Variants in NAGPA observed in about 807,000 individuals in gnomAD.
NAGPA encodes N-acetylglucosamine-1-phosphodiester alpha-N-acetylglucosaminidase.
NAGPA carries 56 observed loss-of-function variants against 48.5 expected under a neutral mutation model. The ratio of observed to expected loss-of-function variants is 1.15; its 90% CI spans 0.93 to 1.44. The LOEUF is 1.44. NAGPA is among the 40% of genes most tolerant of loss of function. NAGPA has a pLI of 0.00. For missense variants in NAGPA, 888 were observed against 735.0 expected (o/e 1.21, Z -2.41); for synonymous variants, 399 against 315.5 (o/e 1.26, Z -2.81).
At chr16:5,030,560 C>A in intron 3 of NAGPA, 67 bp from the exon 4 acceptor site, 1 of 1,301,990 alleles carries the variant, frequency 7.7e-7, no homozygotes, top group Non-Finnish European at 1.1e-6. Flanking sequence ...CCTAACTCCA[C>A]TTCCCACTGG....
intron 4 of NAGPA, 172 bp from the exon 5 acceptor site, chr16:5,029,180 T>C: frequency 9.3e-7 from 1 of 1,070,774 alleles, no homozygotes; most frequent in African/African-American, 1.6e-5. Context: ...ACACGTGAGA[T>C]CACACCCATG....
intron 5 of NAGPA, 21 bp downstream of exon 5, chr16:5,028,859 A>G (rs1473728786): frequency 1.2e-6 from 2 of 1,613,892 alleles, no homozygotes; most frequent in East Asian, 4.5e-5. Flanking sequence ...GCCCTCACGA[A>G]GGCGGCTCTC....
At chr16:5,028,280 CCTGT>C in intron 5 of NAGPA, 95 bp from the exon 6 acceptor site, 2 of 1,544,812 alleles carry the variant, frequency 1.3e-6, no homozygotes, top group East Asian at 4.9e-5. Flanking sequence ...TCCATTCTCA[CCTGT>C]CTACCTACCT....
At chr16:5,031,319 C>G (rs999798686) in intron 3 of NAGPA, 3 of 267,552 alleles carry the variant, frequency 1.1e-5, no homozygotes, top group Non-Finnish European at 2.2e-5. Flanking sequence ...GAGTGTCGGT[C>G]AGAGTCACCA....
rs2142558189 is a variant in NAGPA, at chr16:5,027,893, G to C, written c.1127C>G (p.Thr376Ser). The change falls in exon 7 of 10, where the codon ACC becomes AGC. Residue 376 changes from threonine (T) to serine (S), a missense_variant and splice_region_variant. Transcript: ENST00000312251. Reference protein sequence around the residue: ...NCSQHGLCTETGCRCDAGWTG... With the variant: ...NCSQHGLCTESGCRCDAGWTG... The stretch of plus-strand genomic sequence containing the variant: ...CCATCCGGCATCACAGCGGCAGCCG[G>C]CTGCCGAGACAAGACCGGGGAGGCC... 6.3e-7 allele frequency: 1 copy of C among 1,596,396 alleles called. No individual in the cohort carries two copies. The highest frequency in any genetic ancestry group is 1.3e-5 in the African/African-American group (1 of 74,576).
chr16:5,028,393 G>T, intron 5 of NAGPA: 1 of 978,050 alleles, frequency 1.0e-6, no homozygotes, highest in Non-Finnish European at 1.6e-6. Flanking sequence ...GCACCATCAC[G>T]CCTGCCTAAT....
intron 5 of NAGPA, chr16:5,028,442 C>A (rs1311008083): frequency 2.7e-6 from 2 of 740,756 alleles, no homozygotes; most frequent in Non-Finnish European, 4.6e-6. Flanking sequence ...TCTATGTTGC[C>A]CACACTGGTC....
Position 5,031,743 on chromosome 16 carries a change from A to C in NAGPA, c.682+2T>G. The C allele has an allele frequency of 1.2e-6, 2 of 1,613,346 alleles. No homozygotes were observed. Among genetic ancestry groups the C allele is most frequent in the Non-Finnish European group, 1.7e-6 (2 of 1,179,798 alleles). On this transcript the variant is annotated splice_donor_variant, in intron 3 of 9. Coordinates refer to ENST00000312251, the MANE Select transcript of NAGPA (RefSeq NM_016256.4). LOFTEE classifies it high-confidence loss of function. ...TTGTTGCCAACAGCCTCCCCATCCA[A>C]CCTGTCTCCTGTGTCTCGTCACACT...
intron 3 of NAGPA, chr16:5,031,133 C>A: frequency 5.9e-6 from 1 of 170,414 alleles, no homozygotes; most frequent in Non-Finnish European, 1.3e-5. Flanking sequence ...ATAGGTCTCA[C>A]TATGTTGCCC....
At chr16:5,032,928 G>T in intron 2 of NAGPA, 1 of 379,506 alleles carries the variant, frequency 2.6e-6, no homozygotes, top group African/African-American at 2.1e-5. Context: ...TATTTACAAC[G>T]GGTTCACCCC....
chr16:5,027,033 G>T, intron 9 of NAGPA, 102 bp downstream of exon 9: 2 of 1,410,420 alleles, frequency 1.4e-6, no homozygotes, highest in Non-Finnish European at 2.0e-6. Context: ...AAGGCAGGGA[G>T]CTGGCAGGGG....
chr16:5,033,911 C>G lies in NAGPA; in HGVS notation c.4G>C (p.Ala2Pro). Residue 2 changes from alanine to proline, a missense_variant, in exon 1 of 10, where the codon GCG becomes CCG. Ala to Pro is a conservative substitution (Grantham distance 27, BLOSUM62 -1). Coordinates refer to ENST00000312251, the MANE Select transcript of NAGPA (RefSeq NM_016256.4). The surrounding 1 kb of genome is among the most constrained non-coding windows in gnomAD (Gnocchi z 4.2). The stretch of plus-strand genomic sequence containing the variant: ...AGAAGCCAGCGACCCGTGGAGGTCG[C>G]CATATTGGACCGGGGCCTCGGGTCA... Reference protein sequence around the residue: MATSTGRWLLLR... With the variant: MPTSTGRWLLLR... 6.5e-7 allele frequency: 1 copy of G among 1,549,066 alleles called. No homozygotes were observed. The highest frequency in any genetic ancestry group is 8.7e-7 in the Non-Finnish European group (1 of 1,146,870).
intron 2 of NAGPA, chr16:5,032,961 C>G: frequency 2.0e-6 from 1 of 495,736 alleles, no homozygotes; most frequent in East Asian, 3.8e-5. Context: ...GCTGCACACA[C>G]AGCAATCAGA....
chr16:5,031,798 C>T lies in NAGPA; in HGVS notation c.629G>A (p.Ser210Asn). The part of the protein sequence containing the change: ...SGVVWLIRNG[S>N]IYINESQATE... ...GGCTTGGCTCTCGTTGATGTAGATGCTTCCATTACGAATCAGCCACACGAC... is the reference window on the plus strand; with the variant it reads ...GGCTTGGCTCTCGTTGATGTAGATGTTTCCATTACGAATCAGCCACACGAC... Residue 210 changes from serine to asparagine, a missense_variant, in exon 3 of 10, where the codon AGC becomes AAC. Physicochemically the swap from Ser to Asn is conservative, Grantham distance 46. Coordinates refer to ENST00000312251, the MANE Select transcript of NAGPA (RefSeq NM_016256.4). The T allele has an allele frequency of 6.2e-7, 1 of 1,614,178 alleles. No homozygotes were observed.
chr16:5,030,263 G>T, intron 4 of NAGPA, 122 bp downstream of exon 4: 1 of 887,914 alleles, frequency 1.1e-6, no homozygotes, highest in South Asian at 1.4e-5. Context: ...CCCTGGGAGG[G>T]GGGACAGATA....
intron 3 of NAGPA, chr16:5,031,488 C>G (rs1956095465): frequency 4.0e-6 from 2 of 497,384 alleles, no homozygotes. Context: ...CAGCTCCGGT[C>G]CCCATCTCTC....
At chr16:5,025,741 G>A in intron 9 of NAGPA, 56 bp from the exon 10 acceptor site, 1 of 1,530,032 alleles carries the variant, frequency 6.5e-7, no homozygotes, top group Non-Finnish European at 8.9e-7. Flanking sequence ...TCAGGGCTTG[G>A]GTAGCACTGG....
chr16:5,029,126 C>T, intron 4 of NAGPA, 118 bp from the exon 5 acceptor site: 1 of 1,536,616 alleles, frequency 6.5e-7, no homozygotes, highest in South Asian at 1.1e-5. Flanking sequence ...TCTAAGTGGC[C>T]CCCGCCCCCA....
intron 7 of NAGPA, 142 bp downstream of exon 7, chr16:5,027,704 G>T: frequency 7.9e-7 from 1 of 1,264,384 alleles, no homozygotes; most frequent in Non-Finnish European, 1.1e-6. Context: ...GAGTCACACA[G>T]TGATGTGCAG....
Sources: gnomAD v4.1 joint callset for allele counts on GRCh38, gnomAD v4.1.1 for gene constraint, Gnocchi (gnomAD v3.1) non-coding constraint, MANE v1.5 for transcripts, NCBI Gene and HGNC (gene_info 2026-07-23, HGNC 2026-07-21) for gene names.